Variants in SLC30A8 observed in about 807,000 individuals in gnomAD.
SLC30A8 encodes solute carrier family 30 member 8.
A neutral mutation model predicts 36.9 loss-of-function variants in SLC30A8; 27 were observed. That is an observed-to-expected ratio of 0.73 (90% CI 0.54 to 1.01). The LOEUF (loss-of-function observed/expected upper bound fraction) is 1.01. Ranked by LOEUF, SLC30A8 falls within the 50% of genes least tolerant of loss-of-function variation. The probability of loss-of-function intolerance (pLI) is 0.00; values close to 1 mark genes in which losing one functional copy is unlikely to be tolerated. For missense variants in SLC30A8, 439 were observed against 452.0 expected (o/e 0.97, Z 0.26); for synonymous variants, 164 against 172.4 (o/e 0.95, Z 0.38).
intron 1 of SLC30A8, among the ~76,000 whole-genome samples, chr8:117,015,014 A>AATATATAT (rs34748748): frequency 1.4e-5 from 2 of 147,660 alleles, no homozygotes; most frequent in Non-Finnish European, 3.0e-5. Flanking sequence ...ATATATTACA[A>AATATATAT]ATATATATAT....
At chr8:117,078,297 T>C (rs561431758) in intron 2 of SLC30A8, among the ~76,000 whole-genome samples, 2 of 152,320 alleles carry the variant, frequency 1.3e-5, no homozygotes, top group South Asian at 4.1e-4. Flanking sequence ...ATGAAAATTC[T>C]AGTCCTACTG....
In SLC30A8 at chr8:117,008,451, G is replaced by A. The variant is rs190856922; in HGVS notation, c.-265-30768G>A. Among the ~76,000 whole-genome samples the A allele has an allele frequency of 1.1e-4, 17 of 152,288 alleles. No homozygotes were observed. The East Asian group carries it at 3.3e-3, about 29-fold the overall frequency. On this transcript the variant is annotated intron_variant, in intron 1 of 10. Coordinates refer to the SLC30A8 transcript ENST00000427715. ...TGTAGAGACCTACTCAGGTTTAAGT[G>A]CCTTACATTAGATACCTTCAAGTCA...
intron 2 of SLC30A8, among the ~76,000 whole-genome samples, chr8:117,085,032 A>G (rs1181262534): frequency 1.3e-5 from 2 of 152,114 alleles, no homozygotes; most frequent in Non-Finnish European, 2.9e-5. Flanking sequence ...GATGAGGTTC[A>G]AGGAATTGAT....
intron 6 of SLC30A8, 51 bp downstream of exon 6, chr8:117,163,581 G>A (rs1204004224): frequency 7.3e-7 from 1 of 1,373,180 alleles, no homozygotes; most frequent in Non-Finnish European, 1.0e-6. Context: ...CTCTTCCCTA[G>A]AATCACAAAA....
At chr8:117,047,073 A>G (rs1817575073) in intron 2 of SLC30A8, among the ~76,000 whole-genome samples, 1 of 152,186 alleles carries the variant, frequency 6.6e-6, no homozygotes, top group South Asian at 2.1e-4. Context: ...ACTGTGGATG[A>G]GTGGGAGACG....
intron 1 of SLC30A8, among the ~76,000 whole-genome samples, chr8:117,013,509 G>A (rs1023348933): frequency 6.6e-6 from 1 of 152,084 alleles, no homozygotes; most frequent in African/African-American, 2.4e-5. Context: ...AGAAAATGTG[G>A]AAGTAAAAAA....
intron 2 of SLC30A8, among the ~76,000 whole-genome samples, chr8:117,060,959 C>G (rs903247691): frequency 8.0e-5 from 12 of 150,622 alleles, no homozygotes; most frequent in African/African-American, 2.4e-4. Flanking sequence ...TTTTTTCTTT[C>G]TCTACGTTTG....
intron 2 of SLC30A8, among the ~76,000 whole-genome samples, chr8:117,090,805 C>T (rs2130829446): frequency 6.6e-6 from 1 of 152,240 alleles, no homozygotes; most frequent in South Asian, 2.1e-4. Context: ...ATACTTAGCT[C>T]TCTGTATTTG....
intron 1 of SLC30A8, among the ~76,000 whole-genome samples, chr8:116,975,116 C>T (rs886445954): frequency 2.0e-5 from 3 of 151,896 alleles, no homozygotes; most frequent in African/African-American, 7.3e-5. Flanking sequence ...TGCAGCACAC[C>T]AACATGGCAC....
chr8:117,005,392 C>T (rs188398085), intron 1 of SLC30A8, among the ~76,000 whole-genome samples: 18 of 152,290 alleles, frequency 1.2e-4, no homozygotes, highest in Admixed American at 7.8e-4. Context: ...TGTTGTAGTA[C>T]GTATCAGTGT....
chr8:117,094,182 G>A (rs2130837319), intron 2 of SLC30A8, among the ~76,000 whole-genome samples: 1 of 152,352 alleles, frequency 6.6e-6, no homozygotes, highest in African/African-American at 2.4e-5. Context: ...TCTTGGTAAT[G>A]CCAAAGTAGT....
Position 117,172,545 on chromosome 8 carries a change from G to T in SLC30A8, c.974G>T (p.Arg325Leu), listed in dbSNP as rs16889462. 1.2e-6 allele frequency: 2 copies of T among 1,613,552 alleles called. No individual in the cohort carries two copies. Among genetic ancestry groups the T allele is most frequent in the East Asian group, 4.5e-5 (2 of 44,846 alleles). ...LSAHVATAAS[R>L]DSQVVRREIA... is the part of the protein sequence containing the mutation. ...GCTTCTTTATCAACAGCAGCCAGCC[G>T]GGACAGCCAAGTGGTTCGGAGAGAA... The change falls in exon 8 of 8, where the codon CGG becomes CTG. Residue 325 changes from arginine (R) to leucine (L), a missense_variant. Coordinates refer to ENST00000456015, the MANE Select transcript of SLC30A8 (RefSeq NM_173851.3).
chr8:117,152,633 T>G (rs920546616), intron 2 of SLC30A8, among the ~76,000 whole-genome samples: 1 of 152,186 alleles, frequency 6.6e-6, no homozygotes, highest in African/African-American at 2.4e-5. Flanking sequence ...CCTGATTCTC[T>G]TGTATTCTCC....
At chr8:117,128,529 AAAT>A (rs1425614845) in intron 2 of SLC30A8, 4 of 108,570 alleles carry the variant, frequency 3.7e-5, no homozygotes, top group African/African-American at 1.5e-4. Context: ...TTCTTTTAAA[AAAT>A]AATATGCTCC....
chr8:116,977,141 C>CTTTTTTTTTTTTTT (rs71305451), intron 1 of SLC30A8, among the ~76,000 whole-genome samples: 7 of 59,110 alleles, frequency 1.2e-4, no homozygotes, highest in East Asian at 6.0e-4. Flanking sequence ...CTTTTTCTTG[C>CTTTTTTTTTTTTTT]TTTTTTTTTT....
At chr8:116,970,147 T>A (rs904901705) in intron 1 of SLC30A8, among the ~76,000 whole-genome samples, 44 of 152,134 alleles carry the variant, frequency 2.9e-4, no homozygotes, top group Non-Finnish European at 5.3e-4. Context: ...ATTTAAAAAA[T>A]TTTTAGAACT....
At chr8:117,001,917 A>G (rs1167795306) in intron 1 of SLC30A8, among the ~76,000 whole-genome samples, 1 of 152,182 alleles carries the variant, frequency 6.6e-6, no homozygotes, top group African/African-American at 2.4e-5. Context: ...TTATTTATAA[A>G]CCATTCTCTA....
At chr8:117,094,778 A>G (rs1819286824) in intron 2 of SLC30A8, among the ~76,000 whole-genome samples, 1 of 152,138 alleles carries the variant, frequency 6.6e-6, no homozygotes, top group African/African-American at 2.4e-5. Context: ...GCTGTCATTC[A>G]TGGCGTCCAG....
Position 117,040,715 on chromosome 8 carries a change from C to T in SLC30A8, c.-226+1457C>T, listed in dbSNP as rs1295329202. Among the ~76,000 whole-genome samples, 5 of 152,124 alleles carry T rather than the reference C, an allele frequency of 3.3e-5. 1 individual carries two copies. The highest frequency in any genetic ancestry group is 4.2e-4 in the South Asian group (2 of 4,816). On this transcript the variant is annotated intron_variant, in intron 2 of 10. Coordinates refer to the SLC30A8 transcript ENST00000427715. The stretch of plus-strand genomic sequence containing the variant: ...TCAAATTTGTTTTAATGAAGGCAAG[C>T]GTAAGCACTGACAATTGCAGGAAGC...
Sources: allele counts gnomAD v4.1 joint callset (sites outside exome capture counted in the v4.1 genomes callset), GRCh38; gene constraint gnomAD v4.1.1; transcripts MANE v1.5; gene names NCBI Gene and HGNC (gene_info 2026-07-23, HGNC 2026-07-21).